RBBP8NL: variants seen among roughly 807,000 people sequenced by gnomAD.
RBBP8NL encodes the protein RBBP8 N-terminal-like protein.
RBBP8NL carries 59 observed loss-of-function variants against 62.2 expected under a neutral mutation model. That is an observed-to-expected ratio of 0.95 (90% confidence interval 0.77 to 1.18). The LOEUF (loss-of-function observed/expected upper bound fraction) is 1.18. RBBP8NL is among the 50% of genes most tolerant of loss of function. The pLI, the probability that RBBP8NL is intolerant of heterozygous loss-of-function variation, is 0.00. For synonymous variants in RBBP8NL, 412 were observed against 394.1 expected, an observed-to-expected ratio of 1.05 and a Z score of -0.54; for missense variants, 896 against 899.5, an observed-to-expected ratio of 1.00 and a Z score of 0.05.
intron 13 of RBBP8NL, among the ~76,000 whole-genome samples, chr20:62,412,247 C>T (rs551951420): frequency 9.8e-5 from 15 of 152,332 alleles, no homozygotes; most frequent in African/African-American, 3.4e-4. Context: ...CTTGTGGCAG[C>T]GGCTTATCCT....
intron 1 of RBBP8NL, among the ~76,000 whole-genome samples, chr20:62,423,865 C>T (rs1988755907): frequency 1.3e-5 from 2 of 152,202 alleles, no homozygotes; most frequent in Non-Finnish European, 2.9e-5. Flanking sequence ...TTCACCCAGA[C>T]CCGCACCCGC....
chr20:62,412,793 C>T (rs1988464652), intron 12 of RBBP8NL, 37 bp downstream of exon 12: 1 of 1,613,192 alleles, frequency 6.2e-7, no homozygotes, highest in South Asian at 1.1e-5. Flanking sequence ...GGACTGCCTC[C>T]TGGCCCTGCC....
Position 62,412,724 on chromosome 20 carries a change from A to G in RBBP8NL, c.1776T>C (p.Thr592=). ...EVGLSSQAEA[T]TSTTGEGPEC... is the part of the protein sequence containing the mutation. ...CAGGCCCCTCCCCGGTCGTGCTCGT[A>G]GTGGCCTCCGCCTGGGAGCTCAGGC... The change falls in exon 13 of 14, where the codon ACT becomes ACC. Residue 592 remains threonine (T), a synonymous_variant. Coordinates refer to ENST00000252998, the MANE Select transcript of RBBP8NL (RefSeq NM_080833.3). 6.2e-7 allele frequency: 1 copy of G among 1,611,518 alleles called. No individual in the cohort carries two copies. The highest frequency in any genetic ancestry group is 8.5e-7 in the Non-Finnish European group (1 of 1,179,942).
chr20:62,416,254 G>T lies in RBBP8NL; in HGVS notation c.314-18C>A, dbSNP rs1272034024. On this transcript the variant is annotated intron_variant, in intron 5 of 13. Transcript: ENST00000252998. ...CTCGTTGGCTGCAAAAGGCACTGAT[G>T]AGCAAAGCAGCCAGGGGTTGGGGGG... 1.1e-5 allele frequency: 11 copies of T among 990,544 alleles called. No homozygotes were observed. The highest frequency in any genetic ancestry group is 1.6e-5 in the Non-Finnish European group (11 of 686,648). 61.4% of individuals were successfully genotyped at this position (990,544 alleles called of 1,614,324 possible).
intron 13 of RBBP8NL, among the ~76,000 whole-genome samples, chr20:62,411,221 T>C (rs1988427545): frequency 6.6e-6 from 1 of 152,158 alleles, no homozygotes; most frequent in East Asian, 1.9e-4. Context: ...CTCTCCCCAT[T>C]GTGTGACCCC....
At chr20:62,421,633 T>C (rs1458771846) in intron 1 of RBBP8NL, among the ~76,000 whole-genome samples, 2 of 149,830 alleles carry the variant, frequency 1.3e-5, no homozygotes, top group African/African-American at 4.9e-5. Context: ...TGTGCATGTG[T>C]GTGTGCCAGA....
At chr20:62,411,377 CG>C (rs1569022753) in intron 13 of RBBP8NL, among the ~76,000 whole-genome samples, 2 of 152,312 alleles carry the variant, frequency 1.3e-5, no homozygotes, top group South Asian at 2.1e-4. Flanking sequence ...TGCGATGGTC[CG>C]GGGACGGGGA....
chr20:62,415,739 T>C (rs747792145), intron 7 of RBBP8NL, 49 bp downstream of exon 7: 3 of 1,609,728 alleles, frequency 1.9e-6, no homozygotes, highest in Admixed American at 3.3e-5. Flanking sequence ...GGAGGATCCC[T>C]GGTCCTGCGG....
chr20:62,415,175 G>A lies in RBBP8NL; in HGVS notation c.740C>T (p.Pro247Leu), dbSNP rs560779290. ...TGGGCTGGGTGGGCTGCTCCTGGCG[G>A]GCAGTGGTGGGGGCGTCCCATTGGC... Reference protein sequence around the residue: ...GPANGTPPPLPARSSPPSPAY... With the variant: ...GPANGTPPPLLARSSPPSPAY... The change falls in exon 9 of 14, where the codon CCC (proline) becomes CTC (leucine). Residue 247 changes from proline (P) to leucine (L), a missense_variant. Transcript: ENST00000252998. The A allele has an allele frequency of 1.3e-6, 2 of 1,523,554 alleles. No individual in the cohort carries two copies. The highest frequency in any genetic ancestry group is 2.8e-5 in the African/African-American group (2 of 72,622). 94.4% of individuals were successfully genotyped at this position (1,523,554 alleles called of 1,614,324 possible).
At chr20:62,424,959 TG>T (rs35974148) in intron 1 of RBBP8NL, among the ~76,000 whole-genome samples, 43,030 of 152,040 alleles carry the variant, frequency 0.28, 6,380 homozygotes, top group South Asian at 0.43. Context: ...AGAGTCAGTC[TG>T]GGCGGAGGGT....
In RBBP8NL at chr20:62,410,971, T is replaced by C. The variant is rs146580686; in HGVS notation, c.1902A>G (p.Arg634=). The change falls in exon 14 of 14, where the codon AGA becomes AGG. Residue 634 remains arginine, a synonymous_variant. Transcript: ENST00000252998. ...GCCCCTCAGTGGCTGTCAGTTTCCT[T>C]CTCCCTCTGGATGGCTTTTTGGAGG... ...DKASKKPSRG[R]RKLTATEGPG... is the part of the protein sequence containing the mutation. 4,593 of 1,613,424 alleles carry C rather than the reference T, an allele frequency of 2.8e-3. 131 individuals carry two copies. In the African/African-American group the frequency reaches 0.054, roughly 19 times the overall value.
In RBBP8NL at chr20:62,415,910, G is replaced by C. The variant is rs772403571; in HGVS notation, c.422C>G (p.Ser141Trp). ...RPKPRAKEGTSDPPSPLLLPS... is the reference protein window; with the variant it reads ...RPKPRAKEGTWDPPSPLLLPS... ...GAGCAGCAGGGGTGAGGGGGGGTCC[G>C]AGGTGCCCTCCTTGGCCCGGGGCTT... Residue 141 changes from serine (S) to tryptophan (W), a missense_variant, in exon 7 of 14, where the codon TCG becomes TGG. Transcript: ENST00000252998. 6.3e-7 allele frequency: 1 copy of C among 1,581,056 alleles called. No individual in the cohort carries two copies.
intron 1 of RBBP8NL, among the ~76,000 whole-genome samples, chr20:62,423,308 C>T (rs1988745313): frequency 6.6e-6 from 1 of 152,198 alleles, no homozygotes; most frequent in Admixed American, 6.5e-5. Context: ...GGGTTGTGCC[C>T]AGCTCCTGGG....
intron 1 of RBBP8NL, among the ~76,000 whole-genome samples, chr20:62,421,423 C>CAT (rs10656836): frequency 0.54 from 75,043 of 138,636 alleles, 19,974 homozygotes; most frequent in African/African-American, 0.67. Flanking sequence ...GTGTGTGTGC[C>CAT]GTGTATGCGT....
At position 62,419,720 on chromosome 20, in the gene RBBP8NL, C is replaced by T. The variant is rs1988658893; in HGVS notation, c.-73G>A. The T allele has an allele frequency of 6.6e-7, 1 of 1,512,834 alleles. No individual in the cohort carries two copies. The highest frequency in any genetic ancestry group is 1.4e-5 in the African/African-American group (1 of 72,494). 93.7% of individuals were successfully genotyped at this position (1,512,834 alleles called of 1,614,324 possible). ...GACGCCTGCAGCCTCTACTGCCCCTCTGTGTCCATCCTGAAGAGGAGGAAG... is the reference window on the plus strand; with the variant it reads ...GACGCCTGCAGCCTCTACTGCCCCTTTGTGTCCATCCTGAAGAGGAGGAAG... On this transcript the variant is annotated 5_prime_UTR_variant, in exon 2 of 14. Transcript: ENST00000252998.
At chr20:62,424,603 C>T (rs1601492279) in intron 1 of RBBP8NL, among the ~76,000 whole-genome samples, 1 of 152,190 alleles carries the variant, frequency 6.6e-6, no homozygotes. Flanking sequence ...TGCCTCTTAT[C>T]CCCCGGACAG....
intron 13 of RBBP8NL, 75 bp from the exon 14 acceptor site, chr20:62,411,071 C>T (rs1003665030): frequency 1.4e-5 from 13 of 918,748 alleles, no homozygotes; most frequent in Non-Finnish European, 2.1e-5. Context: ...CACCTAGGGC[C>T]TCCTGGGTCT....
intron 8 of RBBP8NL, 28 bp downstream of exon 8, chr20:62,415,550 A>G (rs3810554): frequency 1.2e-6 from 2 of 1,609,940 alleles, no homozygotes; most frequent in Non-Finnish European, 1.7e-6. Context: ...CCAGCTGCAC[A>G]TGGTGGGCTC....
At position 62,414,178 on chromosome 20, in the gene RBBP8NL, G is replaced by T; in HGVS notation, c.1173C>A (p.Gly391=). The change falls in exon 10 of 14, where the codon GGC becomes GGA. Residue 391 remains glycine, a synonymous_variant. Coordinates refer to ENST00000252998, the MANE Select transcript of RBBP8NL (RefSeq NM_080833.3). ...PGEMLPSLPV[G]SDSEGPENEG... ...CATTCTCAGGGCCCTCAGAGTCTGA[G>T]CCGACTGGTAGGGAGGGCAGCATCT... 6.2e-7 allele frequency: 1 copy of T among 1,609,570 alleles called. No homozygotes were observed. Among genetic ancestry groups the T allele is most frequent in the Non-Finnish European group, 8.5e-7 (1 of 1,179,258 alleles).
Sources: allele counts gnomAD v4.1 joint callset (sites outside exome capture counted in the v4.1 genomes callset), GRCh38; gene constraint gnomAD v4.1.1; transcripts MANE v1.5; gene names NCBI Gene and HGNC (gene_info 2026-07-23, HGNC 2026-07-21).